CELF2: variants seen among roughly 807,000 people sequenced by gnomAD.
CELF2 encodes CUGBP Elav-like family member 2.
In CELF2, 8 loss-of-function variants were observed where a neutral mutation model predicts 62.6. The observed-to-expected ratio is 0.13, with a 90% CI of 0.07 to 0.23. The LOEUF is 0.23. Ranked by LOEUF, CELF2 falls within the 10% of genes least tolerant of loss-of-function variation. CELF2 has a pLI of 1.00. For missense variants in CELF2, 333 were observed against 671.0 expected (o/e 0.50, Z 5.56); for synonymous variants, 258 against 250.0 (o/e 1.03, Z -0.30).
intron 1 of CELF2, among the ~76,000 whole-genome samples, chr10:11,103,640 G>A (rs1347857831): frequency 6.6e-6 from 1 of 151,940 alleles, no homozygotes; most frequent in Non-Finnish European, 1.5e-5. Flanking sequence ...CGCAACTCTC[G>A]ACACATGAAA....
the CELF2 span, among the ~76,000 whole-genome samples, chr10:10,615,779 G>A: frequency 6.6e-6 from 1 of 152,042 alleles, no homozygotes; most frequent in Non-Finnish European, 1.5e-5. Context: ...AGTTTCCTGA[G>A]GCCTCCCCAG....
At chr10:11,026,203 C>G (rs1043172796) in intron 1 of CELF2, among the ~76,000 whole-genome samples, 6 of 152,184 alleles carry the variant, frequency 3.9e-5, no homozygotes, top group Admixed American at 6.5e-5. Context: ...TTTATATGAT[C>G]CATGTCATGA....
chr10:10,612,006 G>C, the CELF2 span, among the ~76,000 whole-genome samples: 1 of 152,166 alleles, frequency 6.6e-6, no homozygotes, highest in Non-Finnish European at 1.5e-5. Flanking sequence ...TTAGGAGAAA[G>C]AGGATCACCC....
At chr10:11,172,071 A>T (rs542613147) in intron 2 of CELF2, among the ~76,000 whole-genome samples, 122 of 152,358 alleles carry the variant, frequency 8.0e-4, no homozygotes, top group Non-Finnish European at 1.4e-3. Flanking sequence ...ATGAACCTAC[A>T]CTACATTTTA....
chr10:10,962,290 A>G (rs2049602807), intron 2 of CELF2, among the ~76,000 whole-genome samples: 1 of 152,258 alleles, frequency 6.6e-6, no homozygotes, highest in South Asian at 2.1e-4. Flanking sequence ...GATGCTGGGT[A>G]CAGCACCATC....
intron 1 of CELF2, among the ~76,000 whole-genome samples, chr10:10,799,615 G>T (rs1360174884): frequency 1.6e-5 from 1 of 61,174 alleles, no homozygotes; most frequent in African/African-American, 6.2e-5. Context: ...CCACCCCCAG[G>T]CCTCAGCTTA....
intron 2 of CELF2, among the ~76,000 whole-genome samples, chr10:11,202,059 T>C (rs1385012293): frequency 6.6e-6 from 1 of 152,172 alleles, no homozygotes; most frequent in Non-Finnish European, 1.5e-5. Flanking sequence ...CACTAAGACA[T>C]CTGTTCCTAC....
At chr10:11,148,297 T>G (rs1161425549) in intron 1 of CELF2, among the ~76,000 whole-genome samples, 1 of 152,250 alleles carries the variant, frequency 6.6e-6, no homozygotes, top group Admixed American at 6.5e-5. Context: ...TGCTCATTGT[T>G]CAGATTTAGC....
At chr10:10,822,163 G>A (rs980476835) in intron 1 of CELF2, among the ~76,000 whole-genome samples, 3 of 152,172 alleles carry the variant, frequency 2.0e-5, no homozygotes, top group East Asian at 1.9e-4. Flanking sequence ...CTGCAGCTGC[G>A]ATGCAATATG....
intron 2 of CELF2, among the ~76,000 whole-genome samples, chr10:10,930,729 GA>G (rs1340866570): frequency 1.3e-5 from 2 of 152,172 alleles, no homozygotes; most frequent in African/African-American, 4.8e-5. Flanking sequence ...TCCCTTGGGT[GA>G]ATAATTTTTT....
the CELF2 span, among the ~76,000 whole-genome samples, chr10:10,791,711 C>T: frequency 4.5e-3 from 678 of 152,204 alleles, no homozygotes; most frequent in Middle Eastern, 0.017. Flanking sequence ...CGTTTTATCA[C>T]GGCTCCCCAG....
At chr10:11,061,108 T>C (rs1026684058) in intron 1 of CELF2, among the ~76,000 whole-genome samples, 2 of 152,384 alleles carry the variant, frequency 1.3e-5, no homozygotes, top group African/African-American at 4.8e-5. Context: ...CGCTGAAAGC[T>C]GGGTCTGTTG....
intron 9 of CELF2, among the ~76,000 whole-genome samples, chr10:11,310,749 C>T (rs755714774): frequency 2.6e-5 from 4 of 151,018 alleles, no homozygotes; most frequent in African/African-American, 4.9e-5. Flanking sequence ...TAGAAAATAC[C>T]CCAAATAGGA....
chr10:11,197,955 A>G (rs991104553), intron 2 of CELF2, among the ~76,000 whole-genome samples: 8 of 152,204 alleles, frequency 5.3e-5, no homozygotes, highest in African/African-American at 1.4e-4. Flanking sequence ...GTATTTTTCA[A>G]TAGAGAAGTT....
intron 8 of CELF2, among the ~76,000 whole-genome samples, chr10:11,275,831 C>T (rs967959131): frequency 3.9e-5 from 6 of 152,152 alleles, no homozygotes; most frequent in African/African-American, 1.4e-4. Context: ...TGCCGATTTC[C>T]CTACCTAACA....
At position 11,207,902 on chromosome 10, in the gene CELF2, G is replaced by A. The variant is rs141687499; in HGVS notation, c.272-9523G>A. 1.0e-3 allele frequency among the ~76,000 whole-genome samples: 159 copies of A among 152,312 alleles called. 1 individual carries two copies. The East Asian group carries it at 0.016, about 15-fold the overall frequency. ...TCCCATTTTTAGGTGGGGAAAAAAG[G>A]GTTGTGTTAGGTGACTGTTGGAGAG... On this transcript the variant is annotated intron_variant, in intron 2 of 12. Transcript: ENST00000633077. The surrounding 1 kb of genome is among the most constrained non-coding windows in gnomAD (Gnocchi z 4.1).
rs1410926343 is a variant in CELF2, at chr10:11,110,442, C to T, written c.75-55044C>T. ...ATCTAACGCTTAGTACTTCTTTTCC[C>T]ATCTCCTACTACCTAAGTCGGGACA... On this transcript the variant is annotated intron_variant, in intron 1 of 12. Transcript: ENST00000633077. This position sits in a 1 kb window ranked among gnomAD's most constrained non-coding sequence, Gnocchi z 4.0. Among the ~76,000 whole-genome samples the T allele has an allele frequency of 1.3e-5, 2 of 152,176 alleles. No individual in the cohort carries two copies. Among genetic ancestry groups the T allele is most frequent in the East Asian group, 1.9e-4 (1 of 5,202 alleles).
chr10:11,072,204 G>C (rs950351520), intron 1 of CELF2, among the ~76,000 whole-genome samples: 7 of 152,120 alleles, frequency 4.6e-5, no homozygotes, highest in African/African-American at 1.7e-4. Context: ...TCAGCCCATG[G>C]AAGACACTAA....
the CELF2 span, among the ~76,000 whole-genome samples, chr10:10,478,288 CTTTA>C: frequency 6.6e-6 from 1 of 152,214 alleles, no homozygotes; most frequent in South Asian, 2.1e-4. Flanking sequence ...CAATGAAAAG[CTTTA>C]TTTATTTGCT....
Sources: allele counts gnomAD v4.1 joint callset (sites outside exome capture counted in the v4.1 genomes callset), GRCh38; gene constraint gnomAD v4.1.1; non-coding constraint Gnocchi (gnomAD v3.1); transcripts MANE v1.5; gene names NCBI Gene and HGNC (gene_info 2026-07-23, HGNC 2026-07-21).